ANKRD17: variants seen among roughly 807,000 people sequenced by gnomAD.
ANKRD17 encodes ankyrin repeat domain-containing protein 17.
ANKRD17 carries 19 observed loss-of-function variants against 229.7 expected under a neutral mutation model. That is an observed-to-expected ratio of 0.08 (90% CI 0.06 to 0.12). The LOEUF (loss-of-function observed/expected upper bound fraction) is 0.12. Among genes scored for constraint, ANKRD17 ranks in the 10% least tolerant of loss-of-function variants. ANKRD17 has a pLI of 1.00. For missense variants in ANKRD17, 2,176 were observed against 3,176.8 expected, an observed-to-expected ratio of 0.68 and a Z score of 7.57; for synonymous variants, 1,112 against 1,146.1, an observed-to-expected ratio of 0.97 and a Z score of 0.60.
Position 73,075,299 on chromosome 4 carries a change from T to C in ANKRD17, c.*932A>G, listed in dbSNP as rs1720929301. ...GCTTGTATATGCTGACTGGGAACAG[T>C]GGTGGCTTTTTAAATTCTCAGAAAG... On this transcript the variant is annotated 3_prime_UTR_variant, in exon 34 of 34. Coordinates refer to ENST00000358602, the MANE Select transcript of ANKRD17 (RefSeq NM_032217.5). The C allele has an allele frequency of 6.6e-6, 1 of 152,134 alleles. No individual in the cohort carries two copies. The highest frequency in any genetic ancestry group is 1.5e-5 in the Non-Finnish European group (1 of 67,966). The allele number at this position is 152,134 out of a possible 1,614,324, so 9.4% of individuals were successfully genotyped here. A position where few individuals can be genotyped will look rare whatever the true frequency, so the allele number is the denominator to read the frequency against.
intron 28 of ANKRD17, among the ~76,000 whole-genome samples, chr4:73,092,994 T>A (rs1292677855): frequency 2.0e-5 from 3 of 152,154 alleles, no homozygotes; most frequent in Admixed American, 2.0e-4. Context: ...ATAAAGGGTA[T>A]CTGGTTCCCT....
Position 73,179,733 on chromosome 4 carries a change from G to A in ANKRD17, c.394-2200C>T, listed in dbSNP as rs560334483. On this transcript the variant is annotated intron_variant, in intron 1 of 33. Coordinates refer to ENST00000358602, the MANE Select transcript of ANKRD17 (RefSeq NM_032217.5). ...CTCCCACTTTGGCCTCCCAAAGGAC[G>A]GGATTATAGGCATGCACTACCAGGC... is the stretch of plus-strand genomic sequence containing the variant. Among the ~76,000 whole-genome samples the A allele has an allele frequency of 1.3e-4, 20 of 151,194 alleles. No homozygotes were observed. The East Asian group carries it at 2.2e-3, about 16-fold the overall frequency.
intron 18 of ANKRD17, among the ~76,000 whole-genome samples, chr4:73,123,385 T>C (rs951127999): frequency 6.6e-6 from 1 of 152,096 alleles, no homozygotes. Context: ...TGGCTTATAA[T>C]ACTTTTAACC....
At position 73,173,461 on chromosome 4, in the gene ANKRD17, T is replaced by C. The variant is rs879393969; in HGVS notation, c.547+3919A>G. 3.9e-4 allele frequency among the ~76,000 whole-genome samples: 59 copies of C among 152,216 alleles called. 1 individual carries two copies. The highest frequency in any genetic ancestry group is 2.7e-3 in the Admixed American group (42 of 15,286). On this transcript the variant is annotated intron_variant, in intron 2 of 33. Coordinates refer to ENST00000358602, the MANE Select transcript of ANKRD17 (RefSeq NM_032217.5). The stretch of plus-strand genomic sequence containing the variant: ...CAGAGAGGAGAGGAGACAGGGCTAA[T>C]GTGCAGCTCCCACTTGGATGGGCAG...
intron 31 of ANKRD17, 62 bp downstream of exon 31, chr4:73,078,579 AC>A: frequency 6.5e-7 from 1 of 1,529,718 alleles, no homozygotes; most frequent in Non-Finnish European, 8.8e-7. Flanking sequence ...AAAGTTAAAT[AC>A]TGTTTACATT....
At chr4:73,099,052 A>T in intron 25 of ANKRD17, 1 of 960,474 alleles carries the variant, frequency 1.0e-6, no homozygotes, top group Non-Finnish European at 1.7e-6. Flanking sequence ...AAACCACCAC[A>T]ACTCCAGGAA....
chr4:73,197,642 G>A (rs193088639), intron 1 of ANKRD17, among the ~76,000 whole-genome samples: 2 of 152,180 alleles, frequency 1.3e-5, no homozygotes, highest in East Asian at 3.9e-4. Context: ...ACTAGCTTGA[G>A]CAACATAGCA....
intron 30 of ANKRD17, 92 bp downstream of exon 30, chr4:73,085,157 T>C (rs1721988308): frequency 1.5e-6 from 2 of 1,354,160 alleles, no homozygotes; most frequent in East Asian, 2.3e-5. Flanking sequence ...AATTACCTTT[T>C]TATGGTATTA....
At chr4:73,118,892 T>TTC in intron 21 of ANKRD17, 42 bp from the exon 22 acceptor site, 1 of 1,558,920 alleles carries the variant, frequency 6.4e-7, no homozygotes. Flanking sequence ...TTTTTTTTTT[T>TTC]TTTTTTTTTT....
At chr4:73,198,005 T>C (rs1738131224) in intron 1 of ANKRD17, among the ~76,000 whole-genome samples, 2 of 152,218 alleles carry the variant, frequency 1.3e-5, no homozygotes, top group Admixed American at 1.3e-4. Context: ...TATGTATAAA[T>C]GATTGTAACT....
chr4:73,164,457 T>C (rs114198496), intron 2 of ANKRD17, among the ~76,000 whole-genome samples: 1 of 152,232 alleles, frequency 6.6e-6, no homozygotes. Flanking sequence ...ATTATGGTGA[T>C]TCTTTTTTTT....
At chr4:73,242,622 T>C (rs1744144471) in intron 1 of ANKRD17, among the ~76,000 whole-genome samples, 1 of 152,212 alleles carries the variant, frequency 6.6e-6, no homozygotes, top group Non-Finnish European at 1.5e-5. Flanking sequence ...ACATGTTAAA[T>C]GAACAATATC....
intron 16 of ANKRD17, among the ~76,000 whole-genome samples, chr4:73,132,180 A>C (rs1404046714): frequency 6.7e-6 from 1 of 149,922 alleles, no homozygotes; most frequent in Non-Finnish European, 1.5e-5. Flanking sequence ...ATCTTGGCTC[A>C]CTGGCCAACA....
chr4:73,226,271 G>A (rs1009649156), intron 1 of ANKRD17, among the ~76,000 whole-genome samples: 2 of 151,474 alleles, frequency 1.3e-5, no homozygotes, highest in African/African-American at 2.4e-5. Context: ...CACCGCGCCC[G>A]CCAGCATTTT....
chr4:73,118,423 C>T (rs1470163532), intron 22 of ANKRD17, among the ~76,000 whole-genome samples: 1 of 151,890 alleles, frequency 6.6e-6, no homozygotes, highest in East Asian at 1.9e-4. Flanking sequence ...AAGATTAAGA[C>T]TGCAACTAGA....
chr4:73,113,352 G>C (rs1560534445), intron 24 of ANKRD17: 24 of 1,289,532 alleles, frequency 1.9e-5, no homozygotes, highest in Non-Finnish European at 2.4e-5. Context: ...CATTTAAAAA[G>C]TGTACTCATT....
intron 2 of ANKRD17, among the ~76,000 whole-genome samples, chr4:73,176,610 A>G (rs1485078310): frequency 6.6e-6 from 1 of 152,146 alleles, no homozygotes; most frequent in East Asian, 1.9e-4. Context: ...GTATCAAAAA[A>G]AAAAAGTTAG....
At chr4:73,165,199 C>A (rs1301144514) in intron 2 of ANKRD17, among the ~76,000 whole-genome samples, 1 of 152,134 alleles carries the variant, frequency 6.6e-6, no homozygotes, top group Non-Finnish European at 1.5e-5. Flanking sequence ...ATTAGCCCAA[C>A]AGGAGTCAGG....
intron 1 of ANKRD17, among the ~76,000 whole-genome samples, chr4:73,242,850 G>A (rs1199392215): frequency 6.6e-6 from 1 of 152,154 alleles, no homozygotes; most frequent in African/African-American, 2.4e-5. Flanking sequence ...AGACATAAGA[G>A]TTTACTAAAT....
Sources: allele counts gnomAD v4.1 joint callset (sites outside exome capture counted in the v4.1 genomes callset), GRCh38; gene constraint gnomAD v4.1.1; transcripts MANE v1.5; gene names NCBI Gene and HGNC (gene_info 2026-07-23, HGNC 2026-07-21).